Variants in MYO5B observed in about 807,000 individuals in gnomAD.
MYO5B encodes the protein myosin VB.
In MYO5B, 143 loss-of-function variants were observed where a neutral mutation model predicts 229.3. The ratio of observed to expected loss-of-function variants is 0.62; its 90% CI spans 0.54 to 0.72. MYO5B has a LOEUF of 0.72. Among genes scored for constraint, MYO5B ranks in the 30% least tolerant of loss-of-function variants. MYO5B has a pLI of 0.00. For missense variants in MYO5B, 2,321 were observed against 2,331.0 expected (o/e 1.00, Z 0.09); for synonymous variants, 918 against 885.2 (o/e 1.04, Z -0.66).
At chr18:49,933,805 AC>A (rs2025220031) in intron 16 of MYO5B, among the ~76,000 whole-genome samples, 1 of 152,248 alleles carries the variant, frequency 6.6e-6, no homozygotes, top group South Asian at 2.1e-4. Flanking sequence ...GGATGATGTA[AC>A]TAATAACTGT....
intron 39 of MYO5B, 149 bp from the exon 40 acceptor site, chr18:49,826,772 C>T (rs1568598822): frequency 3.1e-6 from 3 of 971,144 alleles, no homozygotes; most frequent in Admixed American, 3.8e-5. Flanking sequence ...GTGATCTCCT[C>T]ACCCTTGAGG....
At chr18:50,044,423 C>T (rs572667647) in intron 2 of MYO5B, among the ~76,000 whole-genome samples, 3 of 152,160 alleles carry the variant, frequency 2.0e-5, no homozygotes, top group Non-Finnish European at 4.4e-5. Flanking sequence ...AATAACTGGG[C>T]CTTTAGAGGT....
At chr18:50,157,045 G>C (rs1229366179) in intron 1 of MYO5B, among the ~76,000 whole-genome samples, 1 of 151,262 alleles carries the variant, frequency 6.6e-6, no homozygotes, top group Non-Finnish European at 1.5e-5. Context: ...AGTGAATTGT[G>C]TCTCTCCCCT....
At chr18:50,032,983 T>C (rs999741536) in intron 4 of MYO5B, among the ~76,000 whole-genome samples, 1 of 150,512 alleles carries the variant, frequency 6.6e-6, no homozygotes, top group African/African-American at 2.5e-5. Context: ...GTGAAACTCA[T>C]CTCAAAAAAA....
At chr18:50,160,068 G>C (rs1176502539) in intron 1 of MYO5B, among the ~76,000 whole-genome samples, 1 of 152,234 alleles carries the variant, frequency 6.6e-6, no homozygotes, top group Admixed American at 6.5e-5. Flanking sequence ...CTGTCCATGG[G>C]ACCACATGCT....
chr18:49,835,291 T>C, intron 39 of MYO5B, 53 bp downstream of exon 39: 1 of 1,368,866 alleles, frequency 7.3e-7, no homozygotes, highest in Middle Eastern at 2.5e-4. Flanking sequence ...AAATTTTTAA[T>C]TTCCTTTATA....
chr18:49,919,074 T>G (rs185461187), intron 17 of MYO5B, among the ~76,000 whole-genome samples: 8 of 152,264 alleles, frequency 5.3e-5, no homozygotes, highest in Non-Finnish European at 8.8e-5. Flanking sequence ...AAATTGTCAC[T>G]GTCTACCTTG....
intron 17 of MYO5B, among the ~76,000 whole-genome samples, chr18:49,915,114 C>T (rs976286587): frequency 1.3e-5 from 2 of 152,144 alleles, no homozygotes; most frequent in African/African-American, 4.8e-5. Flanking sequence ...AGAGCAAATA[C>T]CAAAATGACA....
In MYO5B at chr18:49,879,354, G is replaced by C. The variant is rs2024561723; in HGVS notation, c.3131-264C>G. ...GGCAGCGTAGGTGAGAATTCCCTCA[G>C]TTGATGCCCCAGCCTCTCTTCTGCC... On this transcript the variant is annotated intron_variant, in intron 23 of 39. Transcript: ENST00000285039. 4 of 493,716 alleles carry C rather than the reference G, an allele frequency of 8.1e-6. 1 individual carries two copies. The East Asian group carries it at 1.6e-4, about 20-fold the overall frequency. The allele number at this position is 493,716 out of a possible 1,614,324, so 30.6% of individuals were successfully genotyped here.
chr18:50,097,360 C>T (rs2031572303), intron 1 of MYO5B: 2 of 443,416 alleles, frequency 4.5e-6, no homozygotes, highest in Admixed American at 4.8e-5. Context: ...CTTTTGATTC[C>T]CAGTCCAAGT....
chr18:49,953,912 G>GTA (rs2025457553), intron 13 of MYO5B, among the ~76,000 whole-genome samples: 1 of 114,766 alleles, frequency 8.7e-6, no homozygotes, highest in African/African-American at 3.5e-5. Context: ...GTGTGTGTGT[G>GTA]TGTGTGTGTG....
chr18:49,992,047 G>T lies in MYO5B; in HGVS notation c.756+241C>A, dbSNP rs7240708. Among the ~76,000 whole-genome samples, 31,768 of 152,132 alleles carry T rather than the reference G, an allele frequency of 0.21. 5,058 individuals carry two copies. Among genetic ancestry groups the T allele is most frequent in the African/African-American group, 0.45 (18,724 of 41,472 alleles). ...TGCCTAGGACAGAGCTAACACATAAGAGGCATTCAACGTTTGTTGATTGAA... is the reference window on the plus strand; with the variant it reads ...TGCCTAGGACAGAGCTAACACATAATAGGCATTCAACGTTTGTTGATTGAA... On this transcript the variant is annotated intron_variant, in intron 6 of 39. Coordinates refer to ENST00000285039, the MANE Select transcript of MYO5B (RefSeq NM_001080467.3).
In MYO5B at chr18:49,974,524, G is replaced by A. The variant is rs1228129316; in HGVS notation, c.1148C>T (p.Thr383Ile). ...EHWLCHRKLV[T>I]TSETYVKTMS... ...GGTCTTGACGTAGGTCTCCGAGGTG[G>A]TGACCAGCTTGCGATGACACAGCCA... The change falls in exon 10 of 40, where the codon ACC becomes ATC. Residue 383 changes from threonine (T) to isoleucine (I), a missense_variant. Transcript: ENST00000285039. The A allele has an allele frequency of 1.2e-6, 2 of 1,614,048 alleles. No individual in the cohort carries two copies. Among genetic ancestry groups the A allele is most frequent in the African/African-American group, 1.3e-5 (1 of 74,900 alleles).
intron 6 of MYO5B, among the ~76,000 whole-genome samples, chr18:49,991,134 C>G (rs1018300345): frequency 1.3e-5 from 2 of 152,190 alleles, no homozygotes. Context: ...ACATCAGACC[C>G]ACACCCAACC....
Position 49,863,280 on chromosome 18 carries a change from A to G in MYO5B, c.3891T>C (p.His1297=), listed in dbSNP as rs1236234047. Residue 1297 remains histidine (H), a synonymous_variant, in exon 29 of 40, where the codon CAT becomes CAC. Coordinates refer to ENST00000285039, the MANE Select transcript of MYO5B (RefSeq NM_001080467.3). ...CCTCAATGGCATCCTCCTGGTCAAC[A>G]TGCTTTTCACTGTTAGGCCAACTTG... ...ARSSWPNSEK[H]VDQEDAIEAY... The G allele has an allele frequency of 1.9e-6, 3 of 1,613,726 alleles. No homozygotes were observed. The highest frequency in any genetic ancestry group is 2.5e-6 in the Non-Finnish European group (3 of 1,180,016).
intron 33 of MYO5B, among the ~76,000 whole-genome samples, chr18:49,846,477 T>G (rs1423117030): frequency 6.6e-6 from 1 of 151,832 alleles, no homozygotes; most frequent in Admixed American, 6.6e-5. Context: ...CACTGGTGAG[T>G]AGCACAGCCA....
At chr18:49,940,831 G>T (rs1787602) in intron 14 of MYO5B, among the ~76,000 whole-genome samples, 6 of 151,972 alleles carry the variant, frequency 3.9e-5, no homozygotes, top group Non-Finnish European at 7.4e-5. Flanking sequence ...CTGCACATAC[G>T]TACAAGGTTA....
At position 49,906,742 on chromosome 18, in the gene MYO5B, C is replaced by CCCTCTCTGTAGATGGAGACTTT. The variant is rs2144151184; in HGVS notation, c.2203-113_2203-112insAAAGTCTCCATCTACAGAGAGG. On this transcript the variant is annotated intron_variant, in intron 18 of 39. Transcript: ENST00000285039. Reference sequence around the variant, plus strand: ...AATCCCCTGGCCAGACTTCATGCACCCCTCTCTGTAGATGGACACAAAGTC... The same window carrying CCCTCTCTGTAGATGGAGACTTT: ...AATCCCCTGGCCAGACTTCATGCACCCCTCTCTGTAGATGGAGACTTTCCTCTCTGTAGATGGACACAAAGTC... The CCCTCTCTGTAGATGGAGACTTT allele has an allele frequency of 3.2e-6, 3 of 926,732 alleles. No individual in the cohort carries two copies. The East Asian group carries it at 7.6e-5, about 24-fold the overall frequency. The allele number at this position is 926,732 out of a possible 1,614,324, so 57.4% of individuals were successfully genotyped here. A position where few individuals can be genotyped will look rare whatever the true frequency, so the allele number is the denominator to read the frequency against.
intron 5 of MYO5B, among the ~76,000 whole-genome samples, chr18:49,997,750 A>C (rs1325588382): frequency 6.6e-6 from 1 of 152,004 alleles, no homozygotes; most frequent in East Asian, 1.9e-4. Flanking sequence ...TTTAATTCCA[A>C]CAACTGCCAC....
Sources: allele counts gnomAD v4.1 joint callset (sites outside exome capture counted in the v4.1 genomes callset), GRCh38; gene constraint gnomAD v4.1.1; transcripts MANE v1.5; gene names NCBI Gene and HGNC (gene_info 2026-07-23, HGNC 2026-07-21).